Variants in LINGO2 observed in about 807,000 individuals in gnomAD.
The protein encoded by LINGO2 is leucine-rich repeat and immunoglobulin-like domain-containing nogo receptor-interacting protein 2.
A neutral mutation model predicts 30.6 loss-of-function variants in LINGO2; 14 were observed. The observed-to-expected ratio is 0.46, with a 90% CI of 0.30 to 0.72. The LOEUF (loss-of-function observed/expected upper bound fraction) is 0.72. Ranked by LOEUF, LINGO2 falls within the 30% of genes least tolerant of loss-of-function variation. The pLI is 0.07. For missense variants in LINGO2, 729 were observed against 751.7 expected (o/e 0.97, Z 0.35); for synonymous variants, 317 against 288.5 (o/e 1.10, Z -1.00).
At chr9:28,751,309 A>AG in the LINGO2 span, among the ~76,000 whole-genome samples, 1 of 148,040 alleles carries the variant, frequency 6.8e-6, no homozygotes, top group African/African-American at 2.5e-5. Context: ...AAAAAAAAAA[A>AG]GGGAAGAATT....
intron 4 of LINGO2, among the ~76,000 whole-genome samples, chr9:28,106,209 G>A (rs1020106915): frequency 2.0e-5 from 3 of 152,036 alleles, no homozygotes; most frequent in Non-Finnish European, 2.9e-5. Context: ...ATCAGTCCCT[G>A]GTGCCAAAAA....
intron 4 of LINGO2, among the ~76,000 whole-genome samples, chr9:28,064,469 T>G (rs1825252254): frequency 6.6e-6 from 1 of 151,962 alleles, no homozygotes; most frequent in Non-Finnish European, 1.5e-5. Context: ...CCTAATAAGC[T>G]CCAACTGTGA....
intron 1 of LINGO2, among the ~76,000 whole-genome samples, chr9:28,569,807 G>T (rs1823582609): frequency 6.6e-6 from 1 of 151,832 alleles, no homozygotes; most frequent in Non-Finnish European, 1.5e-5. Flanking sequence ...GACAAAAAAG[G>T]TAACTATGTG....
At chr9:28,054,386 T>C (rs1050981539) in intron 4 of LINGO2, among the ~76,000 whole-genome samples, 1 of 152,110 alleles carries the variant, frequency 6.6e-6, no homozygotes, top group Admixed American at 6.6e-5. Flanking sequence ...GAAAGATCAG[T>C]AGTAGCTGAT....
chr9:28,809,704 C>A, the LINGO2 span, among the ~76,000 whole-genome samples: 2 of 149,238 alleles, frequency 1.3e-5, no homozygotes, highest in East Asian at 3.9e-4. Context: ...CGAGATCGTG[C>A]CATTGTACTC....
At chr9:28,654,982 A>T (rs572737829) in intron 1 of LINGO2, among the ~76,000 whole-genome samples, 145 of 152,214 alleles carry the variant, frequency 9.5e-4, no homozygotes, top group African/African-American at 3.3e-3. Context: ...GATGGAATTT[A>T]CTGAGCTACT....
At chr9:28,627,482 A>G (rs984790097) in intron 1 of LINGO2, among the ~76,000 whole-genome samples, 1 of 151,962 alleles carries the variant, frequency 6.6e-6, no homozygotes, top group Non-Finnish European at 1.5e-5. Context: ...TTCTCAACTG[A>G]TCTCCTAATG....
intron 4 of LINGO2, among the ~76,000 whole-genome samples, chr9:28,033,686 T>A (rs138798407): frequency 6.6e-6 from 1 of 152,226 alleles, no homozygotes; most frequent in African/African-American, 2.4e-5. Flanking sequence ...GCAGTGTTTC[T>A]ATTCTGCCCC....
chr9:28,534,383 A>G (rs1445001595), intron 1 of LINGO2, among the ~76,000 whole-genome samples: 1 of 152,152 alleles, frequency 6.6e-6, no homozygotes, highest in East Asian at 1.9e-4. Flanking sequence ...TATATACTAT[A>G]GAGCATGCAC....
chr9:29,055,940 G>GTATATATATATATATGTATATATATATA, the LINGO2 span, among the ~76,000 whole-genome samples: 2 of 119,980 alleles, frequency 1.7e-5, no homozygotes, highest in African/African-American at 6.4e-5. Context: ...ATGTGTGTGT[G>GTATATATATATATATGTATATATATATA]TATATATACA....
the LINGO2 span, among the ~76,000 whole-genome samples, chr9:28,928,843 C>T: frequency 3.9e-5 from 6 of 152,128 alleles, no homozygotes; most frequent in African/African-American, 7.2e-5. Flanking sequence ...GCAGCGCAAT[C>T]GGCCCCGTAT....
At chr9:29,164,032 T>C in the LINGO2 span, among the ~76,000 whole-genome samples, 1 of 152,000 alleles carries the variant, frequency 6.6e-6, no homozygotes. Context: ...CACTTTGTTT[T>C]CTTAGTATGC....
chr9:29,163,564 A>G, the LINGO2 span, among the ~76,000 whole-genome samples: 1 of 152,180 alleles, frequency 6.6e-6, no homozygotes. Context: ...GAAAGCTTCA[A>G]AAAAATGATG....
At chr9:28,105,982 T>G (rs1826579477) in intron 4 of LINGO2, among the ~76,000 whole-genome samples, 1 of 152,072 alleles carries the variant, frequency 6.6e-6, no homozygotes, top group Non-Finnish European at 1.5e-5. Context: ...GAGGGCTGGC[T>G]AGCAAGCATT....
the LINGO2 span, among the ~76,000 whole-genome samples, chr9:28,683,606 T>C: frequency 6.6e-6 from 1 of 152,314 alleles, no homozygotes; most frequent in Non-Finnish European, 1.5e-5. Flanking sequence ...CATAGCTTAA[T>C]ATGGTTCTCT....
chr9:27,953,069 T>A (rs927022433), intron 5 of LINGO2, among the ~76,000 whole-genome samples: 2 of 152,128 alleles, frequency 1.3e-5, no homozygotes, highest in Non-Finnish European at 2.9e-5. Flanking sequence ...TAGCTATTAG[T>A]AAGCAAAAGA....
chr9:29,067,980 G>A, the LINGO2 span, among the ~76,000 whole-genome samples: 25 of 151,878 alleles, frequency 1.6e-4, no homozygotes, highest in Admixed American at 4.6e-4. Flanking sequence ...ATATAATAGT[G>A]ATATGATACA....
rs79472128 is a variant in LINGO2 at position 28,027,547 on chromosome 9, G to A, written c.-86-15142C>T. Among the ~76,000 whole-genome samples the A allele has an allele frequency of 0.014, 2,118 of 152,222 alleles. 216 individuals are homozygous for A. In the East Asian group the frequency reaches 0.26, roughly 19 times the overall value. Reference sequence around the variant, plus strand: ...ATGGGTGGAATACAGCATGTAAGGTGCAAGTCTGTCTAATCCTACAGGTGG... The same window carrying A: ...ATGGGTGGAATACAGCATGTAAGGTACAAGTCTGTCTAATCCTACAGGTGG... On this transcript the variant is annotated intron_variant, in intron 4 of 5. Coordinates refer to ENST00000379992, the Ensembl canonical transcript of LINGO2.
intron 4 of LINGO2, among the ~76,000 whole-genome samples, chr9:28,177,326 A>G (rs1828777141): frequency 6.6e-6 from 1 of 152,180 alleles, no homozygotes; most frequent in Non-Finnish European, 1.5e-5. Flanking sequence ...GGAACTGGCC[A>G]AAGTTCTGAA....
Sources: allele counts gnomAD v4.1 joint callset (sites outside exome capture counted in the v4.1 genomes callset), GRCh38; gene constraint gnomAD v4.1.1; transcripts MANE v1.5; gene names NCBI Gene and HGNC (gene_info 2026-07-23, HGNC 2026-07-21).